Variants in SLCO4C1 observed in about 807,000 individuals in gnomAD.
SLCO4C1 encodes solute carrier organic anion transporter family member 4C1.
In SLCO4C1, 58 loss-of-function variants were observed where a neutral mutation model predicts 72.1. That is an observed-to-expected ratio of 0.80 (90% CI 0.65 to 1.00). The LOEUF is 1.00. Ranked by LOEUF, SLCO4C1 falls within the 50% of genes least tolerant of loss-of-function variation. The pLI, the probability that SLCO4C1 is intolerant of heterozygous loss-of-function variation, is 0.00. For synonymous variants in SLCO4C1, 297 were observed against 312.5 expected, an observed-to-expected ratio of 0.95 and a Z score of 0.52; for missense variants, 898 against 857.9, an observed-to-expected ratio of 1.05 and a Z score of -0.58.
chr5:102,294,771 T>C (rs910972226), intron 1 of SLCO4C1, among the ~76,000 whole-genome samples: 1 of 152,162 alleles, frequency 6.6e-6, no homozygotes, highest in Non-Finnish European at 1.5e-5. Flanking sequence ...ACTTAGCATC[T>C]AATGCGCAAA....
Position 102,248,244 on chromosome 5 carries a change from T to C in SLCO4C1, c.1621-802A>G, listed in dbSNP as rs1295550778. On this transcript the variant is annotated intron_variant, in intron 9 of 12. Coordinates refer to ENST00000310954, the MANE Select transcript of SLCO4C1 (RefSeq NM_180991.5). ...GTGAACAAATGTATATGGGTGCTTA[T>C]TAAAAGTATTATAAATGTATATTGC... Among the ~76,000 whole-genome samples, 7 of 152,212 alleles carry C rather than the reference T, an allele frequency of 4.6e-5. 1 individual carries two copies. The East Asian group carries it at 1.4e-3, about 29-fold the overall frequency.
At chr5:102,260,995 A>G (rs1187690227) in intron 5 of SLCO4C1, among the ~76,000 whole-genome samples, 1 of 152,198 alleles carries the variant, frequency 6.6e-6, no homozygotes, top group East Asian at 1.9e-4. Flanking sequence ...ACAACTAAAT[A>G]CCTTCAACCT....
intron 2 of SLCO4C1, among the ~76,000 whole-genome samples, chr5:102,289,110 A>T (rs144781109): frequency 6.6e-6 from 1 of 152,290 alleles, no homozygotes; most frequent in African/African-American, 2.4e-5. Flanking sequence ...TTTACAGTAA[A>T]AATCTTAGAT....
rs777859716 is a variant in SLCO4C1 at position 102,295,954 on chromosome 5, T to A, written c.309A>T (p.Thr103=). ...FHPQCLQRCN[T]PGGFLLHYCL... ...AGTAGTGAAGCAGAAAGCCTCCAGGTGTGTTGCAGCGCTGGAGACATTGAG... is the reference window on the plus strand; with the variant it reads ...AGTAGTGAAGCAGAAAGCCTCCAGGAGTGTTGCAGCGCTGGAGACATTGAG... The change falls in exon 1 of 13, where the codon ACA becomes ACT. Residue 103 remains threonine (T), a synonymous_variant. Transcript: ENST00000310954. 3 of 1,614,100 alleles carry A rather than the reference T, an allele frequency of 1.9e-6. No homozygotes were observed. Among genetic ancestry groups the A allele is most frequent in the Admixed American group, 1.7e-5 (1 of 60,018 alleles).
chr5:102,263,344 C>A (rs886342830), intron 4 of SLCO4C1, among the ~76,000 whole-genome samples: 3 of 152,010 alleles, frequency 2.0e-5, no homozygotes, highest in Admixed American at 6.6e-5. Context: ...ACTATCTAGT[C>A]CCAACTAAAT....
chr5:102,248,889 G>A (rs1748684087), intron 9 of SLCO4C1, among the ~76,000 whole-genome samples: 1 of 151,998 alleles, frequency 6.6e-6, no homozygotes, highest in African/African-American at 2.4e-5. Flanking sequence ...CAGTAAAATT[G>A]TACTGAGTTC....
chr5:102,286,478 A>G (rs755936484), intron 2 of SLCO4C1, among the ~76,000 whole-genome samples: 12 of 152,150 alleles, frequency 7.9e-5, no homozygotes, highest in Non-Finnish European at 1.3e-4. Context: ...CGCATTTTAA[A>G]TATTTTAAAG....
At chr5:102,281,306 A>G (rs1749352102) in intron 2 of SLCO4C1, among the ~76,000 whole-genome samples, 1 of 152,148 alleles carries the variant, frequency 6.6e-6, no homozygotes, top group Non-Finnish European at 1.5e-5. Context: ...AAAATATATC[A>G]CAGACTTAAA....
rs1397535867 is a variant in SLCO4C1, at chr5:102,236,483, T to C, written c.*375A>G. On this transcript the variant is annotated 3_prime_UTR_variant, in exon 13 of 13. Coordinates refer to ENST00000310954, the MANE Select transcript of SLCO4C1 (RefSeq NM_180991.5). ...AATGGGGATAGAAACAACATTTTTT[T>C]TAAATGTAAATTTTTCTAATTGTGG... 1 of 154,942 alleles carries C rather than the reference T, an allele frequency of 6.5e-6. No individual in the cohort carries two copies. Among genetic ancestry groups the C allele is most frequent in the African/African-American group, 2.4e-5 (1 of 41,496 alleles). The allele number at this position is 154,942 out of a possible 1,614,324, so 9.6% of individuals were successfully genotyped here. A position where few individuals can be genotyped will look rare whatever the true frequency, so the allele number is the denominator to read the frequency against.
At chr5:102,255,270 T>C (rs1196013558) in intron 8 of SLCO4C1, among the ~76,000 whole-genome samples, 1 of 152,186 alleles carries the variant, frequency 6.6e-6, no homozygotes, top group African/African-American at 2.4e-5. Flanking sequence ...CCATCACACA[T>C]GCCTTCCTTT....
Position 102,291,405 on chromosome 5 carries a change from G to A in SLCO4C1, c.557C>T (p.Ala186Val), listed in dbSNP as rs757627127. 1.9e-6 allele frequency: 3 copies of A among 1,614,100 alleles called. No individual in the cohort carries two copies. The highest frequency in any genetic ancestry group is 2.5e-6 in the Non-Finnish European group (3 of 1,180,006). ...AAATTGTGGCAATGAGAATACAAGTGCTCCCAGTCCAATCATAAAGGCTGC... is the reference window on the plus strand; with the variant it reads ...AAATTGTGGCAATGAGAATACAAGTACTCCCAGTCCAATCATAAAGGCTGC... ...AFAAFMIGLG[A>V]LVFSLPQFFS... Residue 186 changes from alanine to valine, a missense_variant, in exon 2 of 13, where the codon GCA becomes GTA. Ala to Val is a moderately conservative substitution (Grantham distance 64, BLOSUM62 0). Transcript: ENST00000310954.
At chr5:102,283,633 C>T (rs1357820767) in intron 2 of SLCO4C1, among the ~76,000 whole-genome samples, 1 of 148,548 alleles carries the variant, frequency 6.7e-6, no homozygotes, top group African/African-American at 2.5e-5. Flanking sequence ...ACCTTCCACA[C>T]AATATATCTG....
At chr5:102,264,395 C>T (rs1748997076) in intron 3 of SLCO4C1, among the ~76,000 whole-genome samples, 2 of 150,114 alleles carry the variant, frequency 1.3e-5, no homozygotes, top group Admixed American at 6.7e-5. Flanking sequence ...TTTGACCACT[C>T]ATGTCTTTTT....
At chr5:102,270,197 T>A (rs78379415) in intron 3 of SLCO4C1, among the ~76,000 whole-genome samples, 1,706 of 152,258 alleles carry the variant, frequency 0.011, 16 homozygotes, top group Non-Finnish European at 0.019. Context: ...CTACCAGGAA[T>A]TAGATCACAA....
intron 2 of SLCO4C1, among the ~76,000 whole-genome samples, chr5:102,281,211 G>A (rs1220653389): frequency 1.3e-5 from 2 of 152,120 alleles, no homozygotes; most frequent in Non-Finnish European, 2.9e-5. Context: ...TTGAAGGACA[G>A]ACTTTTCAAA....
chr5:102,295,108 C>A (rs529727629), intron 1 of SLCO4C1, among the ~76,000 whole-genome samples: 5 of 152,302 alleles, frequency 3.3e-5, no homozygotes, highest in African/African-American at 1.2e-4. Context: ...GTATTGAACA[C>A]ACCAGAAGCA....
At chr5:102,291,669 A>G (rs931771127) in intron 1 of SLCO4C1, 63 bp from the exon 2 acceptor site, 8 of 1,375,342 alleles carry the variant, frequency 5.8e-6, no homozygotes, top group Non-Finnish European at 7.9e-6. Context: ...GATTATTAAC[A>G]CAATGAAGTA....
intron 8 of SLCO4C1, among the ~76,000 whole-genome samples, chr5:102,256,531 A>C (rs1748837274): frequency 6.6e-6 from 1 of 152,224 alleles, no homozygotes; most frequent in Non-Finnish European, 1.5e-5. Context: ...TATGGCTTAA[A>C]ATTTCAAAGC....
Position 102,291,453 on chromosome 5 carries a change from T to C in SLCO4C1, c.509A>G (p.His170Arg). The C allele has an allele frequency of 1.2e-6, 2 of 1,614,164 alleles. No individual in the cohort carries two copies. Among genetic ancestry groups the C allele is most frequent in the East Asian group, 4.5e-5 (2 of 44,860 alleles). Residue 170 changes from histidine to arginine, a missense_variant, in exon 2 of 13, where the codon CAT (histidine) becomes CGT (arginine). Transcript: ENST00000310954. ...TGCAAATGCAAGCCATCTCGGCTTA[T>C]GTCCTCTTTCACCAAAGAATGATAC... The part of the protein sequence containing the change: ...LFVSFFGERG[H>R]KPRWLAFAAF...
Sources: allele counts gnomAD v4.1 joint callset (sites outside exome capture counted in the v4.1 genomes callset), GRCh38; gene constraint gnomAD v4.1.1; transcripts MANE v1.5; gene names NCBI Gene and HGNC (gene_info 2026-07-23, HGNC 2026-07-21).